The following NTM variants were observed in gnomAD, a reference collection of about 807,000 sequenced individuals.
NTM encodes IgLON family member 2.
NTM carries 13 observed loss-of-function variants against 42.1 expected under a neutral mutation model. That is an observed-to-expected ratio of 0.31 (90% confidence interval 0.20 to 0.49). The LOEUF (loss-of-function observed/expected upper bound fraction) is 0.49. NTM is among the 20% of genes least tolerant of loss of function. The pLI is 0.99. For synonymous variants in NTM, 187 were observed against 179.2 expected, an observed-to-expected ratio of 1.04 and a Z score of -0.35; for missense variants, 373 against 452.8, an observed-to-expected ratio of 0.82 and a Z score of 1.60.
chr11:131,597,796 C>T (rs2059945107), intron 1 of NTM, among the ~76,000 whole-genome samples: 1 of 152,252 alleles, frequency 6.6e-6, no homozygotes, highest in Non-Finnish European at 1.5e-5. Flanking sequence ...CAGCACCAAG[C>T]AGCTCCTTGT....
At chr11:132,036,769 C>G (rs1036676214) in intron 2 of NTM, among the ~76,000 whole-genome samples, 2 of 152,096 alleles carry the variant, frequency 1.3e-5, no homozygotes, top group Non-Finnish European at 2.9e-5. Context: ...TTCTTAACTC[C>G]TTGTTTTTAT....
At chr11:132,168,175 T>C (rs2075574062) in intron 3 of NTM, among the ~76,000 whole-genome samples, 1 of 152,204 alleles carries the variant, frequency 6.6e-6, no homozygotes, top group Admixed American at 6.5e-5. Flanking sequence ...TAAATATGTC[T>C]ATTGCACTGC....
chr11:131,844,101 TCC>T (rs2044631782), intron 1 of NTM, among the ~76,000 whole-genome samples: 1 of 152,182 alleles, frequency 6.6e-6, no homozygotes, highest in Non-Finnish European at 1.5e-5. Flanking sequence ...AAAAATAATT[TCC>T]TACCCGAAAA....
At chr11:132,229,030 G>C (rs2086897759) in intron 4 of NTM, among the ~76,000 whole-genome samples, 1 of 152,156 alleles carries the variant, frequency 6.6e-6, no homozygotes, top group Non-Finnish European at 1.5e-5. Flanking sequence ...AATAGCAGCT[G>C]CCTAAAATGG....
chr11:131,823,111 G>C (rs1035769994), intron 1 of NTM, among the ~76,000 whole-genome samples: 1 of 152,186 alleles, frequency 6.6e-6, no homozygotes, highest in East Asian at 1.9e-4. Context: ...GTCTACGTTA[G>C]TGTTAGGAAA....
At chr11:131,567,878 C>G (rs1218616450) in intron 1 of NTM, among the ~76,000 whole-genome samples, 1 of 152,198 alleles carries the variant, frequency 6.6e-6, no homozygotes, top group Non-Finnish European at 1.5e-5. Context: ...GACCCAAATT[C>G]TTACAGACAT....
intron 1 of NTM, among the ~76,000 whole-genome samples, chr11:131,443,626 A>G (rs1171313010): frequency 6.6e-6 from 1 of 152,132 alleles, no homozygotes; most frequent in African/African-American, 2.4e-5. Context: ...GCCCTGTGTT[A>G]TTCCCTTTCC....
intron 1 of NTM, among the ~76,000 whole-genome samples, chr11:131,749,738 A>G (rs1434936971): frequency 3.3e-5 from 5 of 152,206 alleles, no homozygotes; most frequent in African/African-American, 1.2e-4. Context: ...AGCTGGGATG[A>G]CAGGTGCCCA....
intron 2 of NTM, among the ~76,000 whole-genome samples, chr11:132,115,367 G>A (rs1016752090): frequency 6.6e-6 from 1 of 152,280 alleles, no homozygotes; most frequent in South Asian, 2.1e-4. Flanking sequence ...TAATTAGCCT[G>A]GTTGCAGTGA....
At chr11:131,423,270 A>G (rs529796118) in intron 1 of NTM, among the ~76,000 whole-genome samples, 2 of 152,336 alleles carry the variant, frequency 1.3e-5, no homozygotes, top group South Asian at 4.1e-4. Context: ...AAGGCTCTGG[A>G]AAATTAAACA....
chr11:131,754,036 A>G (rs536049471), intron 1 of NTM, among the ~76,000 whole-genome samples: 4 of 151,210 alleles, frequency 2.6e-5, no homozygotes, highest in African/African-American at 9.7e-5. Flanking sequence ...GCAAGGACAA[A>G]AAACCAAACA....
intron 2 of NTM, among the ~76,000 whole-genome samples, chr11:131,946,608 C>T (rs1448342588): frequency 1.3e-5 from 2 of 152,066 alleles, no homozygotes; most frequent in East Asian, 3.9e-4. Context: ...CAGAGGAGTC[C>T]ACAGGTTGTC....
At chr11:132,039,314 T>C (rs1369988790) in intron 2 of NTM, among the ~76,000 whole-genome samples, 1 of 152,184 alleles carries the variant, frequency 6.6e-6, no homozygotes, top group Non-Finnish European at 1.5e-5. Flanking sequence ...TACTGCCTGT[T>C]ACTCCCTGCT....
intron 1 of NTM, among the ~76,000 whole-genome samples, chr11:131,707,992 A>C (rs1225716878): frequency 6.6e-6 from 1 of 152,166 alleles, no homozygotes. Context: ...TTTGTATTGA[A>C]GGGATCTTAC....
intron 2 of NTM, among the ~76,000 whole-genome samples, chr11:132,098,844 A>G (rs778262516): frequency 5.6e-4 from 86 of 152,410 alleles, no homozygotes; most frequent in Middle Eastern, 6.8e-3. Flanking sequence ...ACCCTTGTGC[A>G]GTGAACAACC....
At chr11:131,447,858 C>T (rs1044176182) in intron 1 of NTM, among the ~76,000 whole-genome samples, 2 of 152,310 alleles carry the variant, frequency 1.3e-5, no homozygotes, top group Admixed American at 1.3e-4. Context: ...CCATCATGCA[C>T]CGCAGATGAG....
chr11:131,909,431 G>T (rs1162118255), intron 1 of NTM, among the ~76,000 whole-genome samples: 2 of 152,146 alleles, frequency 1.3e-5, no homozygotes, highest in Admixed American at 6.5e-5. Context: ...CTTTTTGGAA[G>T]ACCATTTTTC....
At chr11:131,724,311 T>A (rs917476666) in intron 1 of NTM, among the ~76,000 whole-genome samples, 9 of 152,096 alleles carry the variant, frequency 5.9e-5, no homozygotes, top group Admixed American at 5.2e-4. Flanking sequence ...ATTATTATTA[T>A]TTTTTCCAAA....
intron 4 of NTM, among the ~76,000 whole-genome samples, chr11:132,246,690 A>G (rs1441205449): frequency 2.6e-5 from 4 of 152,252 alleles, no homozygotes; most frequent in Non-Finnish European, 5.9e-5. Context: ...TTAAAGTGGT[A>G]GAAGAAGAAT....
Sources: allele counts gnomAD v4.1 joint callset (sites outside exome capture counted in the v4.1 genomes callset), GRCh38; gene constraint gnomAD v4.1.1; transcripts MANE v1.5; gene names NCBI Gene and HGNC (gene_info 2026-07-23, HGNC 2026-07-21).